Variants in SDK1 observed in about 807,000 individuals in gnomAD.
SDK1 encodes protein sidekick-1.
In SDK1, 157 loss-of-function variants were observed where a neutral mutation model predicts 245.5. The observed-to-expected ratio is 0.64, with a 90% CI of 0.56 to 0.73. The LOEUF is 0.73. Among genes scored for constraint, SDK1 ranks in the 30% least tolerant of loss-of-function variants. The pLI is 0.00. For missense variants in SDK1, 3,583 were observed against 3,002.3 expected (o/e 1.19, Z -4.52); for synonymous variants, 1,647 against 1,278.5 (o/e 1.29, Z -6.15).
chr7:4,189,814 T>C (rs1248355314), intron 35 of SDK1, among the ~76,000 whole-genome samples: 1 of 152,200 alleles, frequency 6.6e-6, no homozygotes, highest in Non-Finnish European at 1.5e-5. Context: ...ATAAAATCAG[T>C]TGGTGGCTTT....
In SDK1 at chr7:3,584,975, C is replaced by T. The variant is rs533485753; in HGVS notation, c.299-34105C>T. Among the ~76,000 whole-genome samples, 3 of 152,238 alleles carry T rather than the reference C, an allele frequency of 2.0e-5. No individual in the cohort carries two copies. The East Asian group carries it at 5.8e-4, about 29-fold the overall frequency. On this transcript the variant is annotated intron_variant, in intron 1 of 44. Transcript: ENST00000404826. ...TCCTGACCTCGTAATCTGCCCTCCT[C>T]GGCCTCCCAAAGTGCTGGGATTACA...
At chr7:4,122,103 C>T (rs571392128) in intron 25 of SDK1, among the ~76,000 whole-genome samples, 2 of 152,198 alleles carry the variant, frequency 1.3e-5, no homozygotes, top group Admixed American at 6.5e-5. Flanking sequence ...TGGGGAATCT[C>T]AGGGGCCCAG....
In SDK1 at chr7:3,872,554, T is replaced by C. The variant is rs1186008343; in HGVS notation, c.847+50971T>C. 1.3e-5 allele frequency among the ~76,000 whole-genome samples: 2 copies of C among 151,278 alleles called. 1 individual carries two copies. Among genetic ancestry groups the C allele is most frequent in the Admixed American group, 1.3e-4 (2 of 15,158 alleles). ...TTCATGTCATCTAAGTTGTTGAATT[T>C]ATGGTCATAGGATTGTTTTTGGTAT... On this transcript the variant is annotated intron_variant, in intron 5 of 44. Transcript: ENST00000404826.
intron 4 of SDK1, among the ~76,000 whole-genome samples, chr7:3,799,682 G>T (rs1015182863): frequency 7.8e-5 from 11 of 140,906 alleles, no homozygotes; most frequent in African/African-American, 2.9e-4. Context: ...TCCAGCCTGG[G>T]CGACAGAGTG....
chr7:3,687,663 G>T (rs957779942), intron 4 of SDK1, among the ~76,000 whole-genome samples: 2 of 152,196 alleles, frequency 1.3e-5, no homozygotes, highest in Admixed American at 6.5e-5. Flanking sequence ...GGCATTGTGG[G>T]AATGACAGAA....
intron 1 of SDK1, among the ~76,000 whole-genome samples, chr7:3,560,661 G>A (rs1174389554): frequency 2.6e-5 from 4 of 152,092 alleles, no homozygotes; most frequent in Non-Finnish European, 4.4e-5. Flanking sequence ...ATCAGAGCAG[G>A]TGGCACCCTT....
chr7:3,739,963 T>C (rs1332730069), intron 4 of SDK1, among the ~76,000 whole-genome samples: 1 of 152,254 alleles, frequency 6.6e-6, no homozygotes, highest in African/African-American at 2.4e-5. Context: ...AAGATAATTC[T>C]GTAAGATATA....
chr7:3,517,492 C>T (rs948082267), intron 1 of SDK1, among the ~76,000 whole-genome samples: 2 of 152,112 alleles, frequency 1.3e-5, no homozygotes, highest in African/African-American at 4.8e-5. Context: ...TGGCAATACT[C>T]AACACTTTTG....
At chr7:3,723,624 G>T (rs1343298243) in intron 4 of SDK1, among the ~76,000 whole-genome samples, 1 of 151,754 alleles carries the variant, frequency 6.6e-6, no homozygotes, top group East Asian at 1.9e-4. Context: ...TAAAGAATTG[G>T]AAGAAGACAT....
intron 5 of SDK1, among the ~76,000 whole-genome samples, chr7:3,824,824 C>G (rs1308061689): frequency 6.6e-6 from 1 of 152,086 alleles, no homozygotes; most frequent in African/African-American, 2.4e-5. Context: ...GATGCAGTCC[C>G]ATAATGGTAC....
chr7:3,855,277 G>A (rs920313675), intron 5 of SDK1, among the ~76,000 whole-genome samples: 6 of 151,706 alleles, frequency 4.0e-5, no homozygotes, highest in Admixed American at 3.9e-4. Flanking sequence ...AGACAGCTGG[G>A]GAATGACAAC....
chr7:3,999,952 C>T (rs1784951968), intron 14 of SDK1, among the ~76,000 whole-genome samples: 1 of 152,110 alleles, frequency 6.6e-6, no homozygotes, highest in Admixed American at 6.6e-5. Context: ...CAAAGAGCTG[C>T]ACAAAGCTGG....
chr7:4,125,189 TGATG>T (rs139127658), intron 25 of SDK1, among the ~76,000 whole-genome samples: 7,076 of 127,742 alleles, frequency 0.055, 528 homozygotes, highest in African/African-American at 0.17. Context: ...GATGGATGGG[TGATG>T]GATGGATGGA....
At chr7:4,169,890 T>A (rs1562382285) in intron 32 of SDK1, among the ~76,000 whole-genome samples, 1 of 151,966 alleles carries the variant, frequency 6.6e-6, no homozygotes, top group Non-Finnish European at 1.5e-5. Flanking sequence ...ACAGGACAGA[T>A]GCGCTGTATT....
intron 1 of SDK1, among the ~76,000 whole-genome samples, chr7:3,580,507 G>A (rs962654215): frequency 1.3e-5 from 2 of 152,170 alleles, no homozygotes; most frequent in African/African-American, 4.8e-5. Flanking sequence ...AGAACCATCT[G>A]ATCTTTGACA....
At chr7:4,254,787 T>C (rs1583184184) in intron 44 of SDK1, among the ~76,000 whole-genome samples, 1 of 152,238 alleles carries the variant, frequency 6.6e-6, no homozygotes, top group African/African-American at 2.4e-5. Context: ...TTTGGCTAGA[T>C]TCATTCAGTG....
chr7:3,465,741 G>C (rs1048859331), intron 1 of SDK1, among the ~76,000 whole-genome samples: 9 of 152,134 alleles, frequency 5.9e-5, no homozygotes, highest in Admixed American at 5.2e-4. Flanking sequence ...GGAGTGTCCT[G>C]TCAGCCAGTT....
chr7:3,881,819 A>G (rs1247537098), intron 5 of SDK1, among the ~76,000 whole-genome samples: 2 of 152,082 alleles, frequency 1.3e-5, no homozygotes, highest in African/African-American at 4.8e-5. Context: ...AATGCATTAG[A>G]TTTACTTTCT....
chr7:3,506,029 G>A (rs568169255), intron 1 of SDK1, among the ~76,000 whole-genome samples: 3 of 151,590 alleles, frequency 2.0e-5, no homozygotes, highest in Non-Finnish European at 4.4e-5. Flanking sequence ...TTAAAAATAA[G>A]AAAAAAATTC....
Sources: gnomAD v4.1 joint callset for allele counts (sites outside exome capture counted in the v4.1 genomes callset) on GRCh38, gnomAD v4.1.1 for gene constraint, MANE v1.5 for transcripts, NCBI Gene and HGNC (gene_info 2026-07-23, HGNC 2026-07-21) for gene names.